Variants in FRMPD4 observed in about 807,000 individuals in gnomAD.
FRMPD4 encodes the protein FERM and PDZ domain containing 4, also known as FERM and PDZ domain-containing protein 4.
Under a neutral mutation model 94.1 loss-of-function variants are expected in FRMPD4, and 22 were observed. That is an observed-to-expected ratio of 0.23 (90% CI 0.17 to 0.33). The LOEUF (loss-of-function observed/expected upper bound fraction) is 0.33. Among genes scored for constraint, FRMPD4 ranks in the 10% least tolerant of loss-of-function variants. The pLI is 1.00. For synonymous variants in FRMPD4, 631 were observed against 548.6 expected (o/e 1.15, Z -2.10); for missense variants, 1,111 against 1,339.9 (o/e 0.83, Z 2.67).
intron 2 of FRMPD4, among the ~76,000 whole-genome samples, chrX:12,543,851 T>A (rs1454148397): frequency 9.2e-6 from 1 of 109,247 alleles, no homozygotes; most frequent in Non-Finnish European, 1.9e-5. Flanking sequence ...TGTCCAACAA[T>A]GATAGACTGG....
At chrX:12,577,856 G>A (rs1293570155) in intron 2 of FRMPD4, among the ~76,000 whole-genome samples, 2 of 112,373 alleles carry the variant, frequency 1.8e-5, no homozygotes, top group African/African-American at 3.2e-5. Flanking sequence ...GGGTATTATT[G>A]GGGTCTTAGT....
In FRMPD4 at chrX:12,609,818, G is replaced by T; in HGVS notation, c.256G>T (p.Val86Leu). 8.3e-7 allele frequency: 1 copy of T among 1,211,004 alleles called. No homozygotes were observed. Among genetic ancestry groups the T allele is most frequent in the African/African-American group, 1.7e-5 (1 of 57,679 alleles). ...PRKVEMRRDP[V>L]LGFGFVAGSE... ...GAAGGTGGAGATGAGAAGGGACCCC[G>T]TGCTGGGATTTGGTTTTGTGGCAGG... Residue 86 changes from valine to leucine, a missense_variant, in exon 3 of 17, where the codon GTG becomes TTG. Physicochemically the swap from Val to Leu is conservative, Grantham distance 32. Coordinates refer to ENST00000675598, the MANE Select transcript of FRMPD4 (RefSeq NM_001368397.1).
Position 12,675,438 on chromosome X carries a change from A to C in FRMPD4, c.468+530A>C, listed in dbSNP as rs765348345. Among the ~76,000 whole-genome samples, 9 of 110,494 alleles carry C rather than the reference A, an allele frequency of 8.1e-5. No homozygotes were observed. In the East Asian group the frequency reaches 2.5e-3, roughly 31 times the overall value. On this transcript the variant is annotated intron_variant, in intron 5 of 16. Coordinates refer to ENST00000675598, the MANE Select transcript of FRMPD4 (RefSeq NM_001368397.1). Reference sequence around the variant, plus strand: ...TTCTTGTGATTTAAAAAAAAAAAAAAAAACGACTTTATCATGGTATAATCT... The same window carrying C: ...TTCTTGTGATTTAAAAAAAAAAAAACAAACGACTTTATCATGGTATAATCT...
At chrX:12,502,977 G>A (rs2057940339) in intron 2 of FRMPD4, among the ~76,000 whole-genome samples, 1 of 112,116 alleles carries the variant, frequency 8.9e-6, no homozygotes, top group African/African-American at 3.2e-5. Context: ...AAAAATACAT[G>A]TTTAAAAGTC....
At chrX:12,392,097 A>C (rs1416356717) in intron 1 of FRMPD4, among the ~76,000 whole-genome samples, 1 of 108,935 alleles carries the variant, frequency 9.2e-6, no homozygotes, top group Non-Finnish European at 1.9e-5. Flanking sequence ...GCAGTGGTGC[A>C]ATCTTGGCTC....
intron 1 of FRMPD4, among the ~76,000 whole-genome samples, chrX:12,223,275 A>C (rs2147762026): frequency 8.9e-6 from 1 of 112,230 alleles, no homozygotes; most frequent in South Asian, 3.7e-4. Flanking sequence ...CAGCCATACA[A>C]ATGAATGAAA....
At chrX:12,634,981 G>A (rs1278744241) in intron 4 of FRMPD4, among the ~76,000 whole-genome samples, 1 of 109,498 alleles carries the variant, frequency 9.1e-6, no homozygotes, top group Non-Finnish European at 1.9e-5. Flanking sequence ...TTACAGGCAC[G>A]TGCCACCACG....
upstream of FRMPD4, among the ~76,000 whole-genome samples, chrX:12,136,403 A>C (rs2055597052): frequency 9.0e-6 from 1 of 111,215 alleles, no homozygotes; most frequent in Non-Finnish European, 1.9e-5. Flanking sequence ...CTATGGAAAC[A>C]AGAAAAAAGA....
At chrX:12,645,449 G>A (rs780719888) in intron 4 of FRMPD4, among the ~76,000 whole-genome samples, 65 of 98,533 alleles carry the variant, frequency 6.6e-4, no homozygotes, top group African/African-American at 2.5e-3. Flanking sequence ...TTCACCTCCC[G>A]GGTTCAAGTG....
At chrX:12,708,782 T>C (rs774315132) in intron 13 of FRMPD4, among the ~76,000 whole-genome samples, 2 of 111,723 alleles carry the variant, frequency 1.8e-5, no homozygotes, top group Non-Finnish European at 3.8e-5. Flanking sequence ...TAACAGCCAT[T>C]GAGAATGTGG....
intron 1 of FRMPD4, among the ~76,000 whole-genome samples, chrX:12,389,228 C>A (rs2148034825): frequency 9.1e-6 from 1 of 110,132 alleles, no homozygotes; most frequent in Admixed American, 9.7e-5. Context: ...AATCCCAGCA[C>A]TTTGGGAGGC....
intron 1 of FRMPD4, among the ~76,000 whole-genome samples, chrX:12,393,830 G>T (rs776548392): frequency 1.8e-5 from 2 of 111,969 alleles, no homozygotes; most frequent in African/African-American, 6.5e-5. Flanking sequence ...TTTCTCTTCA[G>T]ATCTACTCAG....
In FRMPD4 at chrX:12,174,127, T is replaced by G. The variant is rs111699322; in HGVS notation, c.41+35115T>G. On this transcript the variant is annotated intron_variant, in intron 1 of 16. Transcript: ENST00000675598. ...GCCACATAGTACACATTTTCAGCTT[T>G]TTGGGCCATATGGTCTCTTTCACAA... 7.5e-3 allele frequency among the ~76,000 whole-genome samples: 837 copies of G among 111,966 alleles called. 2 individuals carry two copies. Among genetic ancestry groups the G allele is most frequent in the Non-Finnish European group, 0.013 (681 of 53,132 alleles).
intron 1 of FRMPD4, among the ~76,000 whole-genome samples, chrX:12,188,565 C>T (rs993148685): frequency 3.6e-5 from 4 of 111,744 alleles, no homozygotes; most frequent in African/African-American, 3.2e-5. Context: ...ATTGAACTAA[C>T]GTTTTAACTG....
At chrX:12,130,318 T>G (rs2055541512) in intron 3 of FRMPD4, among the ~76,000 whole-genome samples, 1 of 111,736 alleles carries the variant, frequency 8.9e-6, no homozygotes, top group South Asian at 3.8e-4. Flanking sequence ...ACCTCATGGT[T>G]GCAAGATGAT....
At chrX:12,258,603 C>T (rs1384893795) in intron 1 of FRMPD4, among the ~76,000 whole-genome samples, 1 of 111,660 alleles carries the variant, frequency 9.0e-6, no homozygotes, top group Non-Finnish European at 1.9e-5. Context: ...TTGGACTTTA[C>T]TCAAATGAGA....
intron 2 of FRMPD4, among the ~76,000 whole-genome samples, chrX:12,527,289 C>T (rs1033333320): frequency 5.4e-5 from 6 of 111,215 alleles, no homozygotes; most frequent in African/African-American, 2.0e-4. Context: ...TTGGCTGAGT[C>T]CTCACCTAGA....
At chrX:11,966,950 A>G (rs1432621661) in intron 3 of FRMPD4, among the ~76,000 whole-genome samples, 1 of 112,086 alleles carries the variant, frequency 8.9e-6, no homozygotes, top group African/African-American at 3.2e-5. Flanking sequence ...TCTTTGAATT[A>G]TGCTAATTTT....
intron 3 of FRMPD4, among the ~76,000 whole-genome samples, chrX:12,130,135 A>AGAGAGAGAGAG (rs778286325): frequency 2.9e-5 from 3 of 103,692 alleles, no homozygotes; most frequent in East Asian, 6.2e-4. Context: ...AGAGAGAGAG[A>AGAGAGAGAGAG]AGGTGGAGGC....
Sources: gnomAD v4.1 joint callset for allele counts (sites outside exome capture counted in the v4.1 genomes callset) on GRCh38, gnomAD v4.1.1 for gene constraint, MANE v1.5 for transcripts, NCBI Gene and HGNC (gene_info 2026-07-23, HGNC 2026-07-21) for gene names.